The following SLC2A13 variants were observed in gnomAD, a reference collection of about 807,000 sequenced individuals.
SLC2A13 encodes solute carrier family 2 member 13.
Under a neutral mutation model 64.4 loss-of-function variants are expected in SLC2A13, and 32 were observed. The observed-to-expected ratio is 0.50, with a 90% CI of 0.37 to 0.67. SLC2A13 has a LOEUF of 0.67. Ranked by LOEUF, SLC2A13 falls within the 30% of genes least tolerant of loss-of-function variation. The pLI, the probability that SLC2A13 is intolerant of heterozygous loss-of-function variation, is 0.00. For synonymous variants in SLC2A13, 338 were observed against 327.1 expected, an observed-to-expected ratio of 1.03 and a Z score of -0.36; for missense variants, 743 against 829.2, an observed-to-expected ratio of 0.90 and a Z score of 1.28.
At chr12:39,960,165 A>T (rs774773243) in intron 3 of SLC2A13, among the ~76,000 whole-genome samples, 1 of 152,174 alleles carries the variant, frequency 6.6e-6, no homozygotes, top group Non-Finnish European at 1.5e-5. Context: ...CATATTTCAT[A>T]ATATTGATTC....
intron 7 of SLC2A13, among the ~76,000 whole-genome samples, chr12:39,806,157 A>G (rs1206844516): frequency 6.6e-6 from 1 of 152,204 alleles, no homozygotes; most frequent in East Asian, 1.9e-4. Flanking sequence ...GATTTCACAA[A>G]CTAAAAATTA....
intron 4 of SLC2A13, among the ~76,000 whole-genome samples, chr12:39,921,115 G>T (rs1945608298): frequency 5.3e-5 from 8 of 152,074 alleles, no homozygotes; most frequent in Admixed American, 4.6e-4. Context: ...TATACATAGG[G>T]TTTCTAATTG....
intron 4 of SLC2A13, among the ~76,000 whole-genome samples, chr12:39,928,020 G>A (rs1265407105): frequency 6.6e-6 from 1 of 152,004 alleles, no homozygotes; most frequent in Non-Finnish European, 1.5e-5. Flanking sequence ...TCATGTTGCA[G>A]GAAACGAATT....
intron 7 of SLC2A13, among the ~76,000 whole-genome samples, chr12:39,800,594 C>G (rs1348112291): frequency 2.6e-5 from 2 of 77,496 alleles, no homozygotes; most frequent in Non-Finnish European, 5.1e-5. Context: ...AGTCAGGAAA[C>G]AACAGGTGCT....
chr12:40,023,294 G>C (rs1947753216), intron 3 of SLC2A13, among the ~76,000 whole-genome samples: 1 of 152,174 alleles, frequency 6.6e-6, no homozygotes, highest in Admixed American at 6.5e-5. Context: ...ACTTCAGAGT[G>C]GAGAGGAGGA....
chr12:39,994,387 A>AAAAAAAAAAC lies in SLC2A13; in HGVS notation c.925+33904_925+33913dup, dbSNP rs1470204668. ...AACAGAGCGAGACTCCATCTCAAAA[A>AAAAAAAAAAC]AAAAAAAAACAAAAAAAAACTAATC... On this transcript the variant is annotated intron_variant, in intron 3 of 9. Transcript: ENST00000280871. Among the ~76,000 whole-genome samples, 580 of 151,696 alleles carry AAAAAAAAAAC rather than the reference A, an allele frequency of 3.8e-3. 14 individuals are homozygous for AAAAAAAAAAC. The East Asian group carries it at 0.07, about 18-fold the overall frequency.
At chr12:39,875,387 T>C (rs1208651616) in intron 4 of SLC2A13, among the ~76,000 whole-genome samples, 4 of 152,224 alleles carry the variant, frequency 2.6e-5, no homozygotes, top group Admixed American at 6.5e-5. Context: ...CTTGTGACTA[T>C]ATTGGCTCCA....
intron 6 of SLC2A13, among the ~76,000 whole-genome samples, chr12:39,854,160 G>C (rs1209250973): frequency 6.6e-6 from 1 of 151,660 alleles, no homozygotes; most frequent in South Asian, 2.1e-4. Context: ...AGAACAAAAT[G>C]GCTCTGCAAC....
At chr12:40,058,358 G>T (rs1208382221) in intron 1 of SLC2A13, among the ~76,000 whole-genome samples, 6 of 151,940 alleles carry the variant, frequency 3.9e-5, no homozygotes, top group African/African-American at 1.5e-4. Flanking sequence ...CATACCTTTT[G>T]CACTTGATCT....
intron 3 of SLC2A13, among the ~76,000 whole-genome samples, chr12:40,026,482 T>C (rs1430254933): frequency 1.3e-5 from 2 of 152,188 alleles, no homozygotes; most frequent in Non-Finnish European, 2.9e-5. Context: ...TTCATTTGGT[T>C]ATATATTCCG....
intron 3 of SLC2A13, among the ~76,000 whole-genome samples, chr12:39,995,787 G>A (rs1271521422): frequency 6.6e-6 from 1 of 152,126 alleles, no homozygotes; most frequent in Non-Finnish European, 1.5e-5. Context: ...TCGTGATAGT[G>A]AGTAAGTCTC....
intron 6 of SLC2A13, among the ~76,000 whole-genome samples, chr12:39,844,106 T>C (rs926114941): frequency 4.6e-5 from 7 of 152,088 alleles, no homozygotes; most frequent in Non-Finnish European, 1.0e-4. Flanking sequence ...TCTCTCTTCA[T>C]ATTTGTATAA....
intron 3 of SLC2A13, among the ~76,000 whole-genome samples, chr12:39,997,780 G>A (rs1280552367): frequency 4.6e-5 from 7 of 152,070 alleles, no homozygotes; most frequent in African/African-American, 7.3e-5. Flanking sequence ...GCGGTGAGCC[G>A]AGATCGCACC....
intron 3 of SLC2A13, among the ~76,000 whole-genome samples, chr12:39,963,286 C>CAAAAAAAAAAAAAAAAAAA (rs71434304): frequency 8.9e-6 from 1 of 112,914 alleles, no homozygotes; most frequent in African/African-American, 3.6e-5. Flanking sequence ...GACTCCGTCT[C>CAAAAAAAAAAAAAAAAAAA]AAAAAAAAAA....
At chr12:39,923,690 G>GCACACACACACA (rs1195057830) in intron 4 of SLC2A13, among the ~76,000 whole-genome samples, 1 of 36,444 alleles carries the variant, frequency 2.7e-5, no homozygotes, top group Non-Finnish European at 1.1e-4. Context: ...ATATATATGC[G>GCACACACACACA]CACGCGCACA....
At chr12:39,959,493 A>G (rs1592319768) in intron 3 of SLC2A13, among the ~76,000 whole-genome samples, 1 of 152,236 alleles carries the variant, frequency 6.6e-6, no homozygotes, top group East Asian at 1.9e-4. Context: ...TTGCTAATGT[A>G]AAGGTTTTTA....
intron 1 of SLC2A13, among the ~76,000 whole-genome samples, chr12:40,062,691 GA>G (rs1436228064): frequency 2.6e-5 from 4 of 151,660 alleles, no homozygotes; most frequent in East Asian, 3.9e-4. Flanking sequence ...TAAGCTCTTG[GA>G]AAAAAAATTA....
chr12:39,895,974 A>G (rs1009969006), intron 4 of SLC2A13, among the ~76,000 whole-genome samples: 1 of 134,024 alleles, frequency 7.5e-6, no homozygotes. Flanking sequence ...ACATGTGTAT[A>G]TGTATACATA....
At chr12:39,776,466 C>T (rs1289082514) in intron 7 of SLC2A13, among the ~76,000 whole-genome samples, 1 of 152,148 alleles carries the variant, frequency 6.6e-6, no homozygotes, top group African/African-American at 2.4e-5. Context: ...GTGCTGTATA[C>T]CAGAGAATGA....
Sources: allele counts gnomAD v4.1 joint callset (sites outside exome capture counted in the v4.1 genomes callset), GRCh38; gene constraint gnomAD v4.1.1; transcripts MANE v1.5; gene names NCBI Gene and HGNC (gene_info 2026-07-23, HGNC 2026-07-21).